Variants in TCF4 observed in about 807,000 individuals in gnomAD.
TCF4 encodes transcription factor 4, also known as SL3-3 enhancer factor 2.
A neutral mutation model predicts 82.1 loss-of-function variants in TCF4; 3 were observed. The ratio of observed to expected loss-of-function variants is 0.04; its 90% CI spans 0.02 to 0.09. The LOEUF (loss-of-function observed/expected upper bound fraction) is 0.09, where lower values mean the gene tolerates loss of function less well. Among genes scored for constraint, TCF4 ranks in the 10% least tolerant of loss-of-function variants. TCF4 has a pLI of 1.00. For missense variants in TCF4, 518 were observed against 852.7 expected (o/e 0.61, Z 4.89); for synonymous variants, 276 against 309.6 (o/e 0.89, Z 1.14).
rs1185870608 is a variant in TCF4 at position 55,564,287 on chromosome 18, AAGG to A, written c.145+20990_145+20992del. 4.6e-5 allele frequency among the ~76,000 whole-genome samples: 7 copies of A among 152,236 alleles called. No homozygotes were observed. The South Asian group carries it at 1.4e-3, about 32-fold the overall frequency. On this transcript the variant is annotated intron_variant, in intron 3 of 19. Coordinates refer to ENST00000354452, the MANE Select transcript of TCF4 (RefSeq NM_001083962.2). The stretch of plus-strand genomic sequence containing the variant: ...TGTAGAGGTACCTCAAGTCCATATT[AAGG>A]AGAACAGAAGTTATTCTAGGCACTA...
chr18:55,402,664 C>G (rs999377578), intron 6 of TCF4, among the ~76,000 whole-genome samples: 1 of 152,068 alleles, frequency 6.6e-6, no homozygotes, highest in African/African-American at 2.4e-5. Context: ...ATGATTAATA[C>G]TGATACTGAA....
At chr18:55,463,980 G>C (rs879064415) in intron 4 of TCF4, 96 bp downstream of exon 4, 28 of 366,746 alleles carry the variant, frequency 7.6e-5, no homozygotes, top group South Asian at 1.8e-4. Context: ...GTGTGTGTGA[G>C]AGAGAGAGAG....
chr18:55,590,873 G>T (rs1396586126), upstream of TCF4, among the ~76,000 whole-genome samples: 1 of 152,194 alleles, frequency 6.6e-6, no homozygotes, highest in African/African-American at 2.4e-5. Context: ...GGCAACAGAA[G>T]CAAGTAAAAT....
Position 55,631,434 on chromosome 18 carries a change from G to T in TCF4, c.196-46C>A, listed in dbSNP as rs1603625751. On this transcript the variant is annotated intron_variant, in intron 1 of 20. Coordinates refer to the TCF4 transcript ENST00000398339. ...GGTGGACATGTTAGAATGAAGGCAG[G>T]TAGACAAGTTAGAAGATGGTACTGG... 4 of 1,534,190 alleles carry T rather than the reference G, an allele frequency of 2.6e-6. No homozygotes were observed. In the African/African-American group the frequency reaches 4.1e-5, roughly 16 times the overall value.
At chr18:55,330,395 G>A (rs1344456066) in intron 8 of TCF4, among the ~76,000 whole-genome samples, 1 of 151,970 alleles carries the variant, frequency 6.6e-6, no homozygotes, top group Non-Finnish European at 1.5e-5. Flanking sequence ...GGCCAGGATG[G>A]TCTCGATCTC....
chr18:55,449,863 G>A (rs983143729), intron 5 of TCF4, among the ~76,000 whole-genome samples: 7 of 151,910 alleles, frequency 4.6e-5, no homozygotes, highest in South Asian at 4.1e-4. Flanking sequence ...CCACGAGGGG[G>A]TGGCATTTAA....
At chr18:55,362,434 GA>G (rs1168719900) in intron 6 of TCF4, among the ~76,000 whole-genome samples, 35 of 118,106 alleles carry the variant, frequency 3.0e-4, no homozygotes, top group East Asian at 1.0e-3. Context: ...AGGAAGGAAG[GA>G]AAAAAAAAAA....
At chr18:55,629,858 C>T (rs774059868) in intron 2 of TCF4, among the ~76,000 whole-genome samples, 2 of 152,002 alleles carry the variant, frequency 1.3e-5, no homozygotes, top group African/African-American at 2.4e-5. Context: ...TCTTGGACCA[C>T]GGGGCTTTTG....
At chr18:55,597,374 G>A (rs867026948) in intron 2 of TCF4, among the ~76,000 whole-genome samples, 4 of 152,166 alleles carry the variant, frequency 2.6e-5, no homozygotes, top group Admixed American at 6.5e-5. Flanking sequence ...TTTCAAACCC[G>A]AGAGCTGCTT....
At chr18:55,329,591 T>C (rs560357742) in intron 8 of TCF4, among the ~76,000 whole-genome samples, 1 of 152,236 alleles carries the variant, frequency 6.6e-6, no homozygotes, top group Admixed American at 6.5e-5. Context: ...AAAATTGATA[T>C]TGATAAATTT....
At chr18:55,311,783 A>T (rs935726956) in intron 8 of TCF4, among the ~76,000 whole-genome samples, 1 of 152,226 alleles carries the variant, frequency 6.6e-6, no homozygotes, top group Non-Finnish European at 1.5e-5. Flanking sequence ...TATCATTTTC[A>T]ACTAAATGTT....
chr18:55,249,496 C>T (rs1479876976), intron 15 of TCF4, among the ~76,000 whole-genome samples: 4 of 152,172 alleles, frequency 2.6e-5, no homozygotes, highest in Admixed American at 2.0e-4. Flanking sequence ...CCTAAGTCAA[C>T]TGGAGATGAC....
At chr18:55,392,896 T>C (rs1473841437) in intron 6 of TCF4, among the ~76,000 whole-genome samples, 2 of 152,222 alleles carry the variant, frequency 1.3e-5, no homozygotes, top group African/African-American at 4.8e-5. Context: ...TCTTCTTGGT[T>C]AAATCACTAT....
chr18:55,431,279 T>C (rs994717742), intron 5 of TCF4, among the ~76,000 whole-genome samples: 2 of 152,130 alleles, frequency 1.3e-5, no homozygotes, highest in Non-Finnish European at 2.9e-5. Context: ...CCACCTTCTT[T>C]CTTGTTTTTT....
intron 3 of TCF4, among the ~76,000 whole-genome samples, chr18:55,583,681 G>A (rs1234814341): frequency 1.3e-5 from 2 of 151,970 alleles, no homozygotes; most frequent in Non-Finnish European, 2.9e-5. Context: ...GTCTATCTCT[G>A]TGTCTGTCTG....
intron 2 of TCF4, among the ~76,000 whole-genome samples, chr18:55,626,677 C>A (rs1033252415): frequency 6.6e-6 from 1 of 152,100 alleles, no homozygotes; most frequent in Non-Finnish European, 1.5e-5. Context: ...GTAAAAGGTA[C>A]GATAACAGGA....
intron 3 of TCF4, among the ~76,000 whole-genome samples, chr18:55,502,719 A>G (rs934296980): frequency 6.6e-6 from 1 of 152,212 alleles, no homozygotes; most frequent in Non-Finnish European, 1.5e-5. Context: ...GCTCTTCACA[A>G]AGGAGAACTG....
intron 3 of TCF4, among the ~76,000 whole-genome samples, chr18:55,562,932 C>G (rs1452520293): frequency 6.6e-6 from 1 of 151,984 alleles, no homozygotes; most frequent in Non-Finnish European, 1.5e-5. Flanking sequence ...CAGACTGACA[C>G]AACTACTGGA....
At chr18:55,520,940 G>C (rs1238456692) in intron 3 of TCF4, among the ~76,000 whole-genome samples, 1 of 149,328 alleles carries the variant, frequency 6.7e-6, no homozygotes, top group Non-Finnish European at 1.5e-5. Context: ...TCGCAATTCA[G>C]AGTCTAATTA....
Sources: gnomAD v4.1 joint callset for allele counts (sites outside exome capture counted in the v4.1 genomes callset) on GRCh38, gnomAD v4.1.1 for gene constraint, MANE v1.5 for transcripts, NCBI Gene and HGNC (gene_info 2026-07-23, HGNC 2026-07-21) for gene names.